The following CNTRL variants were observed in gnomAD, a reference collection of about 807,000 sequenced individuals.
The protein encoded by CNTRL is centriolin, also known as 110 kDa centrosomal protein.
Under a neutral mutation model 303.7 loss-of-function variants are expected in CNTRL, and 233 were observed. The ratio of observed to expected loss-of-function variants is 0.77; its 90% CI spans 0.69 to 0.86. CNTRL has a LOEUF of 0.86. Ranked by LOEUF, CNTRL falls within the 40% of genes least tolerant of loss-of-function variation. CNTRL has a pLI of 0.00. For missense variants in CNTRL, 2,524 were observed against 2,650.6 expected (o/e 0.95, Z 1.05); for synonymous variants, 900 against 922.2 (o/e 0.98, Z 0.44).
chr9:121,167,413 AG>A, intron 36 of CNTRL, 75 bp from the exon 37 acceptor site: 1 of 1,143,060 alleles, frequency 8.7e-7, no homozygotes, highest in Non-Finnish European at 1.3e-6. Flanking sequence ...CAGACTTAGT[AG>A]ATACTGGATT....
intron 8 of CNTRL, 49 bp from the exon 9 acceptor site, chr9:121,112,410 A>G (rs770559727): frequency 1.3e-5 from 21 of 1,577,976 alleles, no homozygotes; most frequent in Non-Finnish European, 1.6e-5. Context: ...ACACCTTTAT[A>G]CTAACTTACT....
chr9:121,153,541 G>C (rs1292537024), intron 26 of CNTRL, among the ~76,000 whole-genome samples: 1 of 152,088 alleles, frequency 6.6e-6, no homozygotes, highest in East Asian at 1.9e-4. Context: ...CACAATTCAA[G>C]GTTAGCAACC....
At chr9:121,142,046 C>T (rs1256588050) in intron 18 of CNTRL, 45 bp from the exon 19 acceptor site, 1 of 1,470,546 alleles carries the variant, frequency 6.8e-7, no homozygotes, top group Non-Finnish European at 9.1e-7. Context: ...TTGCTTAAAA[C>T]ATATTTTGCC....
intron 7 of CNTRL, among the ~76,000 whole-genome samples, chr9:121,106,155 A>G (rs983278416): frequency 1.3e-5 from 2 of 151,788 alleles, no homozygotes. Context: ...CCTGGCTAAC[A>G]TGGCAAAACC....
intron 43 of CNTRL, among the ~76,000 whole-genome samples, chr9:121,176,736 G>C (rs937391223): frequency 6.6e-6 from 1 of 152,186 alleles, no homozygotes; most frequent in African/African-American, 2.4e-5. Flanking sequence ...ATAAAAGCCT[G>C]AACTAGTTAA....
At chr9:121,140,551 G>C (rs2051447378) in intron 16 of CNTRL, 90 bp from the exon 17 acceptor site, 2 of 1,152,040 alleles carry the variant, frequency 1.7e-6, no homozygotes, top group Non-Finnish European at 2.3e-6. Context: ...TCTGAATTTA[G>C]TTCTGTGGTC....
intron 27 of CNTRL, among the ~76,000 whole-genome samples, 197 bp downstream of exon 27, chr9:121,155,110 T>G (rs547631147): frequency 2.2e-4 from 33 of 152,336 alleles, no homozygotes; most frequent in African/African-American, 7.9e-4. Flanking sequence ...GCTTTGCTTT[T>G]CTTATCTATA....
chr9:121,108,033 A>G (rs755888887), intron 8 of CNTRL, 38 bp downstream of exon 8: 7 of 1,370,938 alleles, frequency 5.1e-6, no homozygotes, highest in African/African-American at 4.5e-5. Context: ...CTGTATTCTC[A>G]TAAGACAGAT....
chr9:121,162,065 G>A lies in CNTRL; in HGVS notation c.5217G>A (p.Glu1739=). 1 of 1,614,170 alleles carries A rather than the reference G, an allele frequency of 6.2e-7. No individual in the cohort carries two copies. The highest frequency in any genetic ancestry group is 8.5e-7 in the Non-Finnish European group (1 of 1,180,024). The change falls in exon 34 of 44, where the codon GAG becomes GAA. Residue 1739 remains glutamate (E), a synonymous_variant. Coordinates refer to ENST00000373855, the MANE Select transcript of CNTRL (RefSeq NM_007018.6). The stretch of plus-strand genomic sequence containing the variant: ...TTTATCTGATTTAGGAGAAACTGGA[G>A]TTAGAGAATTTGCAGCAGATATCCC... The part of the protein sequence containing the change: ...TQVAVLEEKL[E]LENLQQISQQ...
chr9:121,129,073 G>A (rs146993753), intron 14 of CNTRL, among the ~76,000 whole-genome samples: 4,012 of 152,254 alleles, frequency 0.026, 80 homozygotes, highest in Middle Eastern at 0.044. Flanking sequence ...GTCAGGTAGC[G>A]TGATGCCTCC....
At chr9:121,100,608 G>A (rs999798764) in intron 7 of CNTRL, among the ~76,000 whole-genome samples, 6 of 152,182 alleles carry the variant, frequency 3.9e-5, no homozygotes, top group Non-Finnish European at 7.4e-5. Flanking sequence ...AAAAGACGCA[G>A]ACTGGCAAAT....
intron 16 of CNTRL, among the ~76,000 whole-genome samples, chr9:121,140,360 G>A (rs1482211614): frequency 1.3e-5 from 2 of 152,232 alleles, no homozygotes; most frequent in Non-Finnish European, 2.9e-5. Flanking sequence ...AGAAAGGGCT[G>A]CCTTGGGGCA....
rs1290596113 is a variant in CNTRL, at chr9:121,161,914, G to A, written c.5148G>A (p.Lys1716=). 6.2e-7 allele frequency: 1 copy of A among 1,614,074 alleles called. No homozygotes were observed. Among genetic ancestry groups the A allele is most frequent in the Non-Finnish European group, 8.5e-7 (1 of 1,180,034 alleles). The change falls in exon 33 of 44, where the codon AAG becomes AAA. Residue 1716 remains lysine (K), a synonymous_variant. Coordinates refer to ENST00000373855, the MANE Select transcript of CNTRL (RefSeq NM_007018.6). ...AAAACCATGAGCTACAAGGTTTGAA[G>A]CTACAACATGACCAAAGGGTATCTG... ...QLENHELQGL[K]LQHDQRVSEL...
Position 121,175,044 on chromosome 9 carries a change from G to A in CNTRL, c.6774G>A (p.Lys2258=), listed in dbSNP as rs993085424. 1.2e-6 allele frequency: 2 copies of A among 1,613,612 alleles called. No individual in the cohort carries two copies. The highest frequency in any genetic ancestry group is 1.3e-5 in the African/African-American group (1 of 74,800). ...CCCAACTCCGACACTGTATGTCCAA[G>A]CAAGCAGAAGTATTAATTAAAGGAA... is the stretch of plus-strand genomic sequence containing the variant. The part of the protein sequence containing the change: ...LKAQLRHCMS[K]QAEVLIKGKR... Residue 2258 remains lysine (K), a synonymous_variant, in exon 43 of 44, where the codon AAG becomes AAA. Transcript: ENST00000373855.
intron 1 of CNTRL, among the ~76,000 whole-genome samples, chr9:121,077,751 C>T (rs1226796429): frequency 3.3e-5 from 4 of 120,086 alleles, no homozygotes; most frequent in African/African-American, 1.0e-4. Context: ...TCAAGACCAA[C>T]CTGGGAACTA....
chr9:121,164,054 C>T (rs1006570099), intron 34 of CNTRL, among the ~76,000 whole-genome samples: 8 of 151,944 alleles, frequency 5.3e-5, no homozygotes, highest in African/African-American at 1.7e-4. Flanking sequence ...TTAGTAGAGA[C>T]GGGGTTTCAC....
chr9:121,132,678 G>A (rs1301070977), intron 14 of CNTRL, among the ~76,000 whole-genome samples: 1 of 152,124 alleles, frequency 6.6e-6, no homozygotes, highest in African/African-American at 2.4e-5. Context: ...TTCTGTTGCT[G>A]GTGAGAAGCT....
At chr9:121,130,015 G>A (rs1396845833) in intron 14 of CNTRL, among the ~76,000 whole-genome samples, 1 of 152,198 alleles carries the variant, frequency 6.6e-6, no homozygotes, top group African/African-American at 2.4e-5. Context: ...GCTTTTTGAT[G>A]TGCTGCTGGA....
chr9:121,150,427 A>G lies in CNTRL; in HGVS notation c.3907A>G (p.Ile1303Val). The G allele has an allele frequency of 6.2e-7, 1 of 1,613,968 alleles. No homozygotes were observed. The highest frequency in any genetic ancestry group is 8.5e-7 in the Non-Finnish European group (1 of 1,179,974). The change falls in exon 25 of 44, where the codon ATC becomes GTC. Residue 1303 changes from isoleucine to valine, a missense_variant. Coordinates refer to ENST00000373855, the MANE Select transcript of CNTRL (RefSeq NM_007018.6). ...VYGPPPPNFS[I>V]PFIPMGVLHC... is the part of the protein sequence containing the mutation. ...TGGGCCTCCACCCCCCAACTTCTCC[A>G]TCCCCTTCATCCCTATGGGTGTGCT...
Sources: gnomAD v4.1 joint callset for allele counts (sites outside exome capture counted in the v4.1 genomes callset) on GRCh38, gnomAD v4.1.1 for gene constraint, MANE v1.5 for transcripts, NCBI Gene and HGNC (gene_info 2026-07-23, HGNC 2026-07-21) for gene names.